The following MRPL45 variants were observed in gnomAD, a reference collection of about 807,000 sequenced individuals.
The protein encoded by MRPL45 is large ribosomal subunit protein mL45.
In MRPL45, 20 loss-of-function variants were observed where a neutral mutation model predicts 38.1. The ratio of observed to expected loss-of-function variants is 0.53; its 90% confidence interval spans 0.37 to 0.76. The LOEUF is 0.76. MRPL45 is among the 30% of genes least tolerant of loss of function. The probability of loss-of-function intolerance (pLI) is 0.00; values close to 1 mark genes in which losing one functional copy is unlikely to be tolerated. For synonymous variants in MRPL45, 105 were observed against 128.8 expected (o/e 0.82, Z 1.25); for missense variants, 337 against 395.6 (o/e 0.85, Z 1.26).
At chr17:38,308,300 G>A (rs1242043714) in intron 4 of MRPL45, among the ~76,000 whole-genome samples, 1 of 151,998 alleles carries the variant, frequency 6.6e-6, no homozygotes, top group African/African-American at 2.4e-5. Flanking sequence ...GTACAGATGG[G>A]TTTTTACCAT....
At chr17:38,313,852 G>C (rs1340680697) in intron 4 of MRPL45, among the ~76,000 whole-genome samples, 3 of 151,394 alleles carry the variant, frequency 2.0e-5, no homozygotes, top group Admixed American at 2.0e-4. Context: ...TAGTAGAGAC[G>C]GGGTTTCACC....
At chr17:38,314,929 C>T (rs957777322) in intron 4 of MRPL45, among the ~76,000 whole-genome samples, 8 of 152,188 alleles carry the variant, frequency 5.3e-5, no homozygotes, top group Admixed American at 1.3e-4. Context: ...AATATACAAA[C>T]GCTCTGCTCC....
chr17:38,312,123 T>A (rs1234035239), intron 4 of MRPL45, among the ~76,000 whole-genome samples: 1 of 151,480 alleles, frequency 6.6e-6, no homozygotes, highest in Non-Finnish European at 1.5e-5. Context: ...CTCCAGTCAC[T>A]GCAACCTTTG....
chr17:38,297,718 A>G (rs2036950947), intron 1 of MRPL45, among the ~76,000 whole-genome samples: 1 of 152,198 alleles, frequency 6.6e-6, no homozygotes, highest in East Asian at 1.9e-4. Flanking sequence ...AATAAAGTTT[A>G]CAGCGAGACT....
chr17:38,318,464 A>G (rs1342230224), intron 4 of MRPL45, among the ~76,000 whole-genome samples: 1 of 151,264 alleles, frequency 6.6e-6, no homozygotes, highest in Non-Finnish European at 1.5e-5. Context: ...TTTATTTGTA[A>G]TATAATTTTA....
chr17:38,306,456 T>C (rs2037055660), intron 3 of MRPL45, 77 bp from the exon 4 acceptor site: 1 of 1,369,566 alleles, frequency 7.3e-7, no homozygotes, highest in Non-Finnish European at 1.0e-6. Flanking sequence ...TGGATGGACA[T>C]GAATGGAGGT....
chr17:38,297,266 C>T lies in MRPL45; in HGVS notation c.66+17C>T, dbSNP rs1166687381. 18 of 1,610,330 alleles carry T rather than the reference C, an allele frequency of 1.1e-5. No homozygotes were observed. Among genetic ancestry groups the T allele is most frequent in the African/African-American group, 1.3e-5 (1 of 74,724 alleles). ...TCTCGGCAGGTGGGTAGGGACGGGG[C>T]CGATAGGACCCTAGGGGCTACAGGA... On this transcript the variant is annotated intron_variant, in intron 1 of 7. Transcript: ENST00000613675.
At chr17:38,322,072 T>A in intron 6 of MRPL45, 54 bp from the exon 7 acceptor site, 5 of 1,506,200 alleles carry the variant, frequency 3.3e-6, no homozygotes, top group East Asian at 2.3e-5. Context: ...AACAAACAAC[T>A]CACACTCACA....
chr17:38,313,311 A>AAT (rs544918215), intron 4 of MRPL45, among the ~76,000 whole-genome samples: 4 of 7,870 alleles, frequency 5.1e-4, no homozygotes, highest in African/African-American at 1.5e-3. Flanking sequence ...AAAAAAAAAA[A>AAT]ATATATATAT....
chr17:38,320,409 T>C (rs542475953), intron 5 of MRPL45, among the ~76,000 whole-genome samples: 8 of 152,236 alleles, frequency 5.3e-5, no homozygotes, highest in East Asian at 3.9e-4. Flanking sequence ...AGTTGTGATA[T>C]AGATGAAGAG....
chr17:38,313,930 T>C (rs865774065), intron 4 of MRPL45, among the ~76,000 whole-genome samples: 98 of 152,232 alleles, frequency 6.4e-4, no homozygotes, highest in African/African-American at 2.3e-3. Context: ...TCCAAAGTGG[T>C]GGGATTACAG....
rs542857776 is a variant in MRPL45 at position 38,299,164 on chromosome 17, A to C, written c.245-187A>C. On this transcript the variant is annotated intron_variant, in intron 2 of 7. Transcript: ENST00000613675. ...CGGCCTCCCAAAGTACTGGGATTACAGGTGTGAGCCACTGTGCCCGGCCTT... is the reference window on the plus strand; with the variant it reads ...CGGCCTCCCAAAGTACTGGGATTACCGGTGTGAGCCACTGTGCCCGGCCTT... 4.9e-4 allele frequency among the ~76,000 whole-genome samples: 74 copies of C among 152,244 alleles called. No homozygotes were observed. The Middle Eastern group carries it at 0.01, about 21-fold the overall frequency.
chr17:38,302,510 G>GTT (rs1297657775), intron 3 of MRPL45, among the ~76,000 whole-genome samples: 2 of 101,278 alleles, frequency 2.0e-5, no homozygotes, highest in African/African-American at 8.7e-5. Context: ...AAAAAAGTTT[G>GTT]TTTTTTTTTT....
intron 1 of MRPL45, among the ~76,000 whole-genome samples, chr17:38,298,185 G>A (rs535516719): frequency 1.8e-4 from 28 of 152,328 alleles, no homozygotes; most frequent in African/African-American, 6.7e-4. Flanking sequence ...CTCAGTATCC[G>A]TAGGAGTTAG....
At chr17:38,314,970 C>T (rs1020795917) in intron 4 of MRPL45, among the ~76,000 whole-genome samples, 1 of 152,204 alleles carries the variant, frequency 6.6e-6, no homozygotes, top group African/African-American at 2.4e-5. Flanking sequence ...TTCATTATGT[C>T]TCTCCTGCTT....
chr17:38,321,291 T>G (rs112182999), intron 6 of MRPL45, among the ~76,000 whole-genome samples: 2,593 of 152,272 alleles, frequency 0.017, 82 homozygotes, highest in African/African-American at 0.059. Context: ...TGGTCTTGAC[T>G]TCCCCGTCTC....
At position 38,317,010 on chromosome 17, in the gene MRPL45, A is replaced by C. The variant is rs371886875; in HGVS notation, c.462-1677A>C. Among the ~76,000 whole-genome samples the C allele has an allele frequency of 4.6e-3, 706 of 152,062 alleles. 3 individuals carry two copies. The highest frequency in any genetic ancestry group is 0.016 in the African/African-American group (683 of 41,482). ...ACAGGGTTTCACCATGTTGGCCAGG[A>C]TGGTCTTGATCTCCTGACCTCGTGA... On this transcript the variant is annotated intron_variant, in intron 4 of 7. Transcript: ENST00000613675.
At position 38,318,496 on chromosome 17, in the gene MRPL45, T is replaced by G. The variant is rs367880881; in HGVS notation, c.462-191T>G. On this transcript the variant is annotated intron_variant, in intron 4 of 7. Transcript: ENST00000613675. ...TTTATTCTGCTACTAGATCTTAGGG[T>G]TTTCTGGTAAATCACATTATTGTTC... is the stretch of plus-strand genomic sequence containing the variant. 1.8e-3 allele frequency among the ~76,000 whole-genome samples: 267 copies of G among 151,700 alleles called. 1 individual carries two copies. Among genetic ancestry groups the G allele is most frequent in the African/African-American group, 6.1e-3 (253 of 41,364 alleles).
intron 4 of MRPL45, among the ~76,000 whole-genome samples, chr17:38,313,348 GTATATA>G (rs1194428266): frequency 2.2e-4 from 4 of 18,064 alleles, no homozygotes; most frequent in African/African-American, 7.2e-4. Flanking sequence ...ATATATATAC[GTATATA>G]TATATATATA....
Sources: gnomAD v4.1 joint callset for allele counts (sites outside exome capture counted in the v4.1 genomes callset) on GRCh38, gnomAD v4.1.1 for gene constraint, MANE v1.5 for transcripts, NCBI Gene and HGNC (gene_info 2026-07-23, HGNC 2026-07-21) for gene names.